Variants in EDC3 observed in about 807,000 individuals in gnomAD.
The protein encoded by EDC3 is enhancer of mRNA decapping 3, also known as enhancer of mRNA-decapping protein 3.
EDC3 carries 20 observed loss-of-function variants against 41.8 expected under a neutral mutation model. That is an observed-to-expected ratio of 0.48 (90% CI 0.34 to 0.70). The LOEUF (loss-of-function observed/expected upper bound fraction) is 0.70. Ranked by LOEUF, EDC3 falls within the 30% of genes least tolerant of loss-of-function variation. EDC3 has a pLI of 0.01. For missense variants in EDC3, 444 were observed against 636.8 expected, an observed-to-expected ratio of 0.70 and a Z score of 3.26; for synonymous variants, 206 against 243.2, an observed-to-expected ratio of 0.85 and a Z score of 1.42.
At chr15:74,693,190 C>G (rs1422608583) in intron 1 of EDC3, among the ~76,000 whole-genome samples, 1 of 152,170 alleles carries the variant, frequency 6.6e-6, no homozygotes, top group Non-Finnish European at 1.5e-5. Context: ...TTTGCATTTT[C>G]CTGATACAAT....
chr15:74,638,826 T>C (rs2062309111), intron 5 of EDC3: 1 of 152,030 alleles, frequency 6.6e-6, no homozygotes, highest in Non-Finnish European at 1.5e-5. Context: ...ATTTCTGACA[T>C]TATACTTTCC....
chr15:74,657,962 T>G (rs936657179), intron 3 of EDC3, among the ~76,000 whole-genome samples: 3 of 152,178 alleles, frequency 2.0e-5, no homozygotes, highest in African/African-American at 7.2e-5. Context: ...GCCACACTAA[T>G]GCACATCCAC....
At chr15:74,688,902 G>A (rs1004335130) in intron 1 of EDC3, among the ~76,000 whole-genome samples, 1 of 140,796 alleles carries the variant, frequency 7.1e-6, no homozygotes, top group Non-Finnish European at 1.5e-5. Flanking sequence ...GCGAGATGCT[G>A]TCTCAAAAAA....
intron 1 of EDC3, among the ~76,000 whole-genome samples, chr15:74,678,891 G>GAA (rs35560581): frequency 1.3e-4 from 14 of 109,906 alleles, no homozygotes; most frequent in African/African-American, 2.6e-4. Context: ...CTCCGTCTCA[G>GAA]AAAAAAAAAA....
intron 4 of EDC3, among the ~76,000 whole-genome samples, chr15:74,646,005 A>G (rs2062412393): frequency 6.6e-6 from 1 of 152,128 alleles, no homozygotes; most frequent in African/African-American, 2.4e-5. Context: ...AAACAGAGAA[A>G]ATAAAACGAG....
At chr15:74,668,206 G>C (rs1169378349) in intron 3 of EDC3, among the ~76,000 whole-genome samples, 2 of 152,270 alleles carry the variant, frequency 1.3e-5, no homozygotes, top group Admixed American at 6.5e-5. Context: ...CTGAGAAACT[G>C]TAAGAGCCAA....
At chr15:74,687,598 G>A (rs1442527460) in intron 1 of EDC3, among the ~76,000 whole-genome samples, 2 of 152,092 alleles carry the variant, frequency 1.3e-5, no homozygotes, top group Admixed American at 6.5e-5. Flanking sequence ...GACTGATCTC[G>A]AACTCCTGCC....
intron 4 of EDC3, among the ~76,000 whole-genome samples, chr15:74,647,440 G>C (rs1377018585): frequency 1.3e-5 from 2 of 152,198 alleles, no homozygotes; most frequent in Non-Finnish European, 2.9e-5. Flanking sequence ...AAAAACTCAG[G>C]TGTCAGGCTT....
chr15:74,693,867 C>G (rs1188181294), intron 1 of EDC3, among the ~76,000 whole-genome samples: 1 of 151,928 alleles, frequency 6.6e-6, no homozygotes, highest in African/African-American at 2.4e-5. Context: ...GCTTGTAGTC[C>G]CAGGTACTTG....
intron 1 of EDC3, among the ~76,000 whole-genome samples, chr15:74,691,292 T>C (rs1360269885): frequency 6.6e-6 from 1 of 152,194 alleles, no homozygotes; most frequent in Non-Finnish European, 1.5e-5. Flanking sequence ...TACACCTATC[T>C]CATAGAACCA....
At chr15:74,672,161 T>C (rs1215516187) in intron 2 of EDC3, among the ~76,000 whole-genome samples, 1 of 148,454 alleles carries the variant, frequency 6.7e-6, no homozygotes, top group East Asian at 2.0e-4. Flanking sequence ...CCCAGCTACT[T>C]GGGAGGCTGA....
intron 3 of EDC3, among the ~76,000 whole-genome samples, chr15:74,669,866 GAC>G (rs1294051115): frequency 6.6e-6 from 1 of 151,982 alleles, no homozygotes; most frequent in African/African-American, 2.4e-5. Flanking sequence ...TTCATTTTGA[GAC>G]AGTCTCACAC....
At chr15:74,685,435 A>AGT (rs142455596) in intron 1 of EDC3, among the ~76,000 whole-genome samples, 7,818 of 152,174 alleles carry the variant, frequency 0.051, 365 homozygotes, top group African/African-American at 0.12. Context: ...ATAGATAGAT[A>AGT]GTGTGTGTGT....
chr15:74,687,350 C>G (rs948263612), intron 1 of EDC3, among the ~76,000 whole-genome samples: 10 of 152,082 alleles, frequency 6.6e-5, no homozygotes, highest in Admixed American at 3.3e-4. Context: ...AATGAATTAG[C>G]AGGCTCATAC....
intron 3 of EDC3, among the ~76,000 whole-genome samples, chr15:74,663,169 C>A (rs1336340253): frequency 6.6e-6 from 1 of 152,116 alleles, no homozygotes; most frequent in Non-Finnish European, 1.5e-5. Context: ...CACCTGTAAT[C>A]CCAGCTACTC....
rs561287872 is a variant in EDC3, at chr15:74,681,652, G to A, written c.-18-6510C>T. On this transcript the variant is annotated intron_variant, in intron 1 of 6. Transcript: ENST00000315127. ...AAAGTGCAAAAACAATTCAATGCAG[G>A]CAGCATAGTTTTTACAACAAATAGC... is the stretch of plus-strand genomic sequence containing the variant. Among the ~76,000 whole-genome samples, 3 of 152,266 alleles carry A rather than the reference G, an allele frequency of 2.0e-5. No individual in the cohort carries two copies. The East Asian group carries it at 5.8e-4, about 29-fold the overall frequency.
At chr15:74,633,044 C>A in intron 6 of EDC3, 98 bp from the exon 7 acceptor site, 2 of 1,236,610 alleles carry the variant, frequency 1.6e-6, no homozygotes, top group Non-Finnish European at 1.1e-6. Context: ...TCTTTGTTTT[C>A]CAGACACCAC....
At chr15:74,693,157 A>T (rs2063027352) in intron 1 of EDC3, 1 of 152,236 alleles carries the variant, frequency 6.6e-6, no homozygotes, top group Non-Finnish European at 1.5e-5. Flanking sequence ...CCTACCAGTG[A>T]TGCAACCTTT....
At chr15:74,654,851 A>G (rs555922457) in intron 4 of EDC3, among the ~76,000 whole-genome samples, 1 of 152,332 alleles carries the variant, frequency 6.6e-6, no homozygotes, top group South Asian at 2.1e-4. Context: ...AGTTCTCCTT[A>G]TAGCAGCTAC....
Sources: allele counts gnomAD v4.1 joint callset (sites outside exome capture counted in the v4.1 genomes callset), GRCh38; gene constraint gnomAD v4.1.1; transcripts MANE v1.5; gene names NCBI Gene and HGNC (gene_info 2026-07-23, HGNC 2026-07-21).